The following MRPS28 variants were observed in gnomAD, a reference collection of about 807,000 sequenced individuals.
MRPS28 encodes the protein mitochondrial ribosomal protein S28.
MRPS28 carries 7 observed loss-of-function variants against 10.8 expected under a neutral mutation model. The observed-to-expected ratio is 0.65, with a 90% CI of 0.37 to 1.22. The LOEUF (loss-of-function observed/expected upper bound fraction) is 1.22, where lower values mean the gene tolerates loss of function less well. MRPS28 is among the 50% of genes most tolerant of loss of function. MRPS28 has a pLI of 0.02. For missense variants in MRPS28, 265 were observed against 232.9 expected (o/e 1.14, Z -0.90); for synonymous variants, 121 against 93.3 (o/e 1.30, Z -1.71).
intron 1 of MRPS28, among the ~76,000 whole-genome samples, chr8:80,026,006 G>C (rs1379192010): frequency 6.6e-6 from 1 of 152,164 alleles, no homozygotes; most frequent in East Asian, 1.9e-4. Flanking sequence ...CTCCAGCCTT[G>C]AGAAAGTAAG....
intron 2 of MRPS28, among the ~76,000 whole-genome samples, chr8:79,924,839 T>A (rs1400638087): frequency 6.6e-6 from 1 of 152,202 alleles, no homozygotes; most frequent in Non-Finnish European, 1.5e-5. Flanking sequence ...ATCTGTAAGA[T>A]GCCTATAAAG....
intron 2 of MRPS28, among the ~76,000 whole-genome samples, chr8:80,000,464 G>C (rs541922436): frequency 6.6e-6 from 1 of 152,154 alleles, no homozygotes; most frequent in Non-Finnish European, 1.5e-5. Context: ...AAATTACTAA[G>C]AGCCACCCCG....
intron 2 of MRPS28, among the ~76,000 whole-genome samples, chr8:79,994,388 G>GT (rs1808445140): frequency 6.6e-6 from 1 of 152,026 alleles, no homozygotes; most frequent in Non-Finnish European, 1.5e-5. Context: ...TTTAATTTTT[G>GT]TTTTTAAAGC....
intron 2 of MRPS28, chr8:79,958,477 G>A: frequency 1.7e-6 from 1 of 593,348 alleles, no homozygotes; most frequent in Non-Finnish European, 3.0e-6. Context: ...AGAACTCAAG[G>A]CTATTTTAAA....
intron 2 of MRPS28, among the ~76,000 whole-genome samples, chr8:79,963,823 C>G (rs1807433833): frequency 1.3e-5 from 2 of 152,094 alleles, no homozygotes; most frequent in African/African-American, 4.8e-5. Flanking sequence ...GAAGAATGCT[C>G]CACACTCGTC....
rs769758111 is a variant in MRPS28 at position 80,030,057 on chromosome 8, C to G, written c.192G>C (p.Gln64His). 14 of 1,613,470 alleles carry G rather than the reference C, an allele frequency of 8.7e-6. No individual in the cohort carries two copies. In the South Asian group the frequency reaches 1.3e-4, roughly 15 times the overall value. ...CCACCTTCTGTAGGGGCTCCACCTT[C>G]TGTAGAAGCTCCGAGTGCCGCTCCA... Reference protein sequence around the residue: ...SALERHSELLQKVEPLQKGSP... With the variant: ...SALERHSELLHKVEPLQKGSP... Residue 64 changes from glutamine (Q) to histidine (H), a missense_variant, in exon 1 of 3, where the codon CAG becomes CAC. Transcript: ENST00000276585.
At chr8:80,021,875 T>C (rs912123962) in intron 1 of MRPS28, among the ~76,000 whole-genome samples, 1 of 152,196 alleles carries the variant, frequency 6.6e-6, no homozygotes, top group African/African-American at 2.4e-5. Flanking sequence ...GGGCTCCCAA[T>C]GGTAACATTT....
intron 2 of MRPS28, among the ~76,000 whole-genome samples, chr8:79,948,379 C>T (rs756643380): frequency 1.3e-5 from 2 of 152,148 alleles, no homozygotes; most frequent in African/African-American, 2.4e-5. Context: ...GTTCAATATA[C>T]TTTTAGTTCT....
intron 2 of MRPS28, among the ~76,000 whole-genome samples, chr8:79,981,017 T>C (rs1201304121): frequency 6.6e-6 from 1 of 152,148 alleles, no homozygotes; most frequent in Non-Finnish European, 1.5e-5. Flanking sequence ...GTGAAATAAA[T>C]GAAACAAAGA....
intron 2 of MRPS28, among the ~76,000 whole-genome samples, chr8:79,984,840 C>A (rs1037484649): frequency 1.3e-5 from 2 of 152,082 alleles, no homozygotes; most frequent in African/African-American, 4.8e-5. Context: ...ACTTTAACAC[C>A]CCACAGTCAA....
intron 1 of MRPS28, 153 bp downstream of exon 1, chr8:80,029,883 C>G (rs1230109115): frequency 6.5e-7 from 1 of 1,536,358 alleles, no homozygotes; most frequent in Non-Finnish European, 8.7e-7. Context: ...TTCTAGGGGC[C>G]GAGGGCTGAG....
At chr8:80,003,780 TC>T (rs1254032481) in intron 1 of MRPS28, among the ~76,000 whole-genome samples, 4 of 152,158 alleles carry the variant, frequency 2.6e-5, no homozygotes, top group African/African-American at 9.7e-5. Flanking sequence ...ATCGGGTCAC[TC>T]CCACCTTAAT....
intron 2 of MRPS28, among the ~76,000 whole-genome samples, chr8:79,961,624 C>A (rs976412893): frequency 2.6e-5 from 4 of 152,098 alleles, no homozygotes; most frequent in Non-Finnish European, 2.9e-5. Flanking sequence ...GTATTTCACA[C>A]CTATGCACCA....
At chr8:79,969,304 G>A (rs1277333563) in intron 2 of MRPS28, among the ~76,000 whole-genome samples, 2 of 152,176 alleles carry the variant, frequency 1.3e-5, no homozygotes, top group Admixed American at 1.3e-4. Flanking sequence ...ATCTTTTTAA[G>A]TCATTCACTT....
At chr8:80,018,740 C>G (rs950693721) in intron 1 of MRPS28, among the ~76,000 whole-genome samples, 3 of 152,130 alleles carry the variant, frequency 2.0e-5, no homozygotes, top group Non-Finnish European at 4.4e-5. Flanking sequence ...TGAAAGCAAC[C>G]TAAGTGCCCA....
chr8:79,976,201 A>G (rs1024603284), intron 2 of MRPS28, among the ~76,000 whole-genome samples: 1 of 151,586 alleles, frequency 6.6e-6, no homozygotes, highest in Admixed American at 6.6e-5. Context: ...CTCCTGTCTC[A>G]GCCTCCCAAG....
At chr8:80,004,244 G>A (rs1008586438) in intron 1 of MRPS28, among the ~76,000 whole-genome samples, 1 of 152,198 alleles carries the variant, frequency 6.6e-6, no homozygotes, top group Non-Finnish European at 1.5e-5. Flanking sequence ...CCAAGTAGGG[G>A]CAGACTGACA....
rs189153283 is a variant in MRPS28 at position 80,008,197 on chromosome 8, T to C, written c.214-5017A>G. 3.3e-3 allele frequency among the ~76,000 whole-genome samples: 497 copies of C among 152,250 alleles called. 7 individuals are homozygous for C. The highest frequency in any genetic ancestry group is 0.011 in the African/African-American group (469 of 41,538). ...AAAGGATTCCCTATTTAATAAATGG[T>C]GCTGGGAAAACTGGCTAGCCATATG... On this transcript the variant is annotated intron_variant, in intron 1 of 2. Transcript: ENST00000276585.
At chr8:79,993,663 G>A (rs1448459808) in intron 2 of MRPS28, among the ~76,000 whole-genome samples, 1 of 152,088 alleles carries the variant, frequency 6.6e-6, no homozygotes, top group Non-Finnish European at 1.5e-5. Flanking sequence ...AAAGACTGAA[G>A]AGATCTGTTA....
Sources: allele counts gnomAD v4.1 joint callset (sites outside exome capture counted in the v4.1 genomes callset), GRCh38; gene constraint gnomAD v4.1.1; transcripts MANE v1.5; gene names NCBI Gene and HGNC (gene_info 2026-07-23, HGNC 2026-07-21).